Variants in SLAMF6 observed in about 807,000 individuals in gnomAD.
SLAMF6 encodes SLAM family member 6, also known as NK-T-B-antigen.
SLAMF6 carries 21 observed loss-of-function variants against 38.3 expected under a neutral mutation model. The ratio of observed to expected loss-of-function variants is 0.55; its 90% CI spans 0.39 to 0.79. SLAMF6 has a LOEUF of 0.79. SLAMF6 is among the 30% of genes least tolerant of loss of function. The pLI is 0.00. For missense variants in SLAMF6, 341 were observed against 385.3 expected (o/e 0.89, Z 0.96); for synonymous variants, 152 against 146.3 (o/e 1.04, Z -0.28).
intron 4 of SLAMF6, 78 bp downstream of exon 4, chr1:160,490,497 T>A: frequency 6.4e-7 from 1 of 1,558,248 alleles, no homozygotes; most frequent in Non-Finnish European, 8.7e-7. Context: ...CCACAAGAGA[T>A]CCTTGGGAAT....
At position 160,491,048 on chromosome 1, in the gene SLAMF6, T is replaced by G. The variant is rs1269444145; in HGVS notation, c.646+77A>C. The G allele has an allele frequency of 3.8e-6, 6 of 1,564,288 alleles. No homozygotes were observed. In the East Asian group the frequency reaches 1.1e-4, roughly 29 times the overall value. On this transcript the variant is annotated intron_variant, in intron 3 of 7. Coordinates refer to ENST00000368057, the MANE Select transcript of SLAMF6 (RefSeq NM_001184714.2). ...TCTGCCTCCCACTGGGCCACTGTAT[T>G]GGAAATTACGTAGGATGTGAGGACG... is the stretch of plus-strand genomic sequence containing the variant.
At chr1:160,498,360 G>C (rs1653705739) in intron 1 of SLAMF6, among the ~76,000 whole-genome samples, 1 of 152,034 alleles carries the variant, frequency 6.6e-6, no homozygotes, top group South Asian at 2.1e-4. Flanking sequence ...TGCTGATAAA[G>C]ACATACTCAA....
rs1197251954 is a variant in SLAMF6 at position 160,496,287 on chromosome 1, G to A, written c.156C>T (p.Phe52=). 3.1e-6 allele frequency: 5 copies of A among 1,613,898 alleles called. No homozygotes were observed. The highest frequency in any genetic ancestry group is 4.2e-6 in the Non-Finnish European group (5 of 1,179,930). The stretch of plus-strand genomic sequence containing the variant: ...ATGTTTCATTGAAAAGCCAAGTGAT[G>A]AAGTTGACCTTCTCTCCTGCAGGAA... The part of the protein sequence containing the change: ...LEFPAGEKVN[F]ITWLFNETSL... Residue 52 remains phenylalanine (F), a synonymous_variant, in exon 2 of 8, where the codon TTC becomes TTT. Transcript: ENST00000368057.
chr1:160,486,668 ACGTGT>A lies in SLAMF6; in HGVS notation c.*34_*38del, dbSNP rs1418501389. 5 of 1,574,942 alleles carry A rather than the reference ACGTGT, an allele frequency of 3.2e-6. No homozygotes were observed. The highest frequency in any genetic ancestry group is 1.7e-6 in the Non-Finnish European group (2 of 1,144,760). On this transcript the variant is annotated 3_prime_UTR_variant, in exon 8 of 8. Transcript: ENST00000368057. ...TTGTTCTGTCTCATGGGATCAGAAG[ACGTGT>A]CATTCCCGAATTCCTCTGAGGCCTT...
Position 160,486,649 on chromosome 1 carries a change from T to C in SLAMF6, c.*58A>G. ...GAACCAAGCTTCCTGTTCTTTGTTC[T>C]GTCTCATGGGATCAGAAGACGTGTC... is the stretch of plus-strand genomic sequence containing the variant. On this transcript the variant is annotated 3_prime_UTR_variant, in exon 8 of 8. Transcript: ENST00000368057. 1 of 1,520,672 alleles carries C rather than the reference T, an allele frequency of 6.6e-7. No homozygotes were observed. Among genetic ancestry groups the C allele is most frequent in the South Asian group, 1.1e-5 (1 of 89,004 alleles). The allele number at this position is 1,520,672 out of a possible 1,614,324, so 94.2% of individuals were successfully genotyped here. A position where few individuals can be genotyped will look rare whatever the true frequency, so the allele number is the denominator to read the frequency against.
chr1:160,511,981 C>G (rs959721573), intron 1 of SLAMF6, among the ~76,000 whole-genome samples: 2 of 152,188 alleles, frequency 1.3e-5, no homozygotes, highest in Non-Finnish European at 2.9e-5. Context: ...CATGCTTTTT[C>G]CATGGATCTG....
intron 1 of SLAMF6, among the ~76,000 whole-genome samples, chr1:160,515,061 T>TCCCCCCCC (rs1441296625): frequency 4.1e-4 from 62 of 151,448 alleles, no homozygotes; most frequent in African/African-American, 1.4e-3. Flanking sequence ...AATCAAGGAG[T>TCCCCCCCC]CCAGAATCTG....
chr1:160,510,114 C>A (rs764137139), intron 1 of SLAMF6, among the ~76,000 whole-genome samples: 35 of 152,122 alleles, frequency 2.3e-4, no homozygotes, highest in Non-Finnish European at 4.3e-4. Flanking sequence ...TACTCAAAAA[C>A]CTCCTGACAA....
chr1:160,496,969 A>T (rs1653618571), intron 1 of SLAMF6, among the ~76,000 whole-genome samples: 1 of 152,172 alleles, frequency 6.6e-6, no homozygotes. Context: ...ACTTCCATTT[A>T]TAGATAAAGG....
intron 2 of SLAMF6, among the ~76,000 whole-genome samples, chr1:160,492,718 C>T (rs1232552158): frequency 2.0e-5 from 3 of 152,156 alleles, no homozygotes; most frequent in South Asian, 4.1e-4. Flanking sequence ...TCTCCCAAAC[C>T]TTCTCAACCT....
intron 1 of SLAMF6, among the ~76,000 whole-genome samples, chr1:160,519,790 G>A (rs185059975): frequency 1.3e-5 from 2 of 151,958 alleles, no homozygotes; most frequent in Non-Finnish European, 2.9e-5. Flanking sequence ...CAGGGGCTGG[G>A]GGGGAGGGGA....
rs571526564 is a variant in SLAMF6, at chr1:160,497,466, T to C, written c.50-1073A>G. 2.0e-5 allele frequency among the ~76,000 whole-genome samples: 3 copies of C among 152,312 alleles called. No individual in the cohort carries two copies. The South Asian group carries it at 6.2e-4, about 32-fold the overall frequency. ...TAGTGGGTCAATGAATGAATAACTATAACAATTACCTCAACCTTCTCAGGA... is the reference window on the plus strand; with the variant it reads ...TAGTGGGTCAATGAATGAATAACTACAACAATTACCTCAACCTTCTCAGGA... On this transcript the variant is annotated intron_variant, in intron 1 of 7. Coordinates refer to ENST00000368057, the MANE Select transcript of SLAMF6 (RefSeq NM_001184714.2).
At chr1:160,516,400 A>C (rs1417552179) in intron 1 of SLAMF6, among the ~76,000 whole-genome samples, 1 of 152,220 alleles carries the variant, frequency 6.6e-6, no homozygotes, top group Non-Finnish European at 1.5e-5. Context: ...GATAGGAAGA[A>C]TCAACATCAT....
intron 6 of SLAMF6, 151 bp from the exon 7 acceptor site, chr1:160,487,326 C>T (rs753264528): frequency 2.0e-5 from 13 of 658,874 alleles, no homozygotes; most frequent in South Asian, 7.9e-5. Flanking sequence ...AGACCAAGCA[C>T]GACTAGCTAT....
At chr1:160,512,672 C>A (rs532445258) in intron 1 of SLAMF6, among the ~76,000 whole-genome samples, 2 of 152,136 alleles carry the variant, frequency 1.3e-5, no homozygotes, top group African/African-American at 2.4e-5. Context: ...GCCATCTTTG[C>A]GGTTCTGCAG....
intron 5 of SLAMF6, 61 bp downstream of exon 5, chr1:160,490,137 C>G (rs780408709): frequency 2.5e-6 from 4 of 1,573,592 alleles, no homozygotes; most frequent in Non-Finnish European, 3.5e-6. Context: ...ATCCCCCTCT[C>G]TCTTCCATTT....
chr1:160,505,822 G>A (rs1474392032), intron 1 of SLAMF6, among the ~76,000 whole-genome samples: 1 of 151,998 alleles, frequency 6.6e-6, no homozygotes, highest in East Asian at 1.9e-4. Context: ...ATAATAACAA[G>A]GAGCCAAGTA....
At chr1:160,490,360 A>T in intron 4 of SLAMF6, 124 bp from the exon 5 acceptor site, 1 of 1,462,506 alleles carries the variant, frequency 6.8e-7, no homozygotes, top group East Asian at 2.3e-5. Flanking sequence ...CAGCCCTGAG[A>T]CAGGGTCCCA....
At chr1:160,491,003 G>T in intron 3 of SLAMF6, 122 bp downstream of exon 3, 1 of 1,259,802 alleles carries the variant, frequency 7.9e-7, no homozygotes, top group Non-Finnish European at 1.1e-6. Flanking sequence ...GAGGGCATCT[G>T]TCCCCTCCCA....
Sources: gnomAD v4.1 joint callset for allele counts (sites outside exome capture counted in the v4.1 genomes callset) on GRCh38, gnomAD v4.1.1 for gene constraint, MANE v1.5 for transcripts, NCBI Gene and HGNC (gene_info 2026-07-23, HGNC 2026-07-21) for gene names.